PAK1: variants seen among roughly 807,000 people sequenced by gnomAD.
PAK1 encodes p21 (RAC1) activated kinase 1.
PAK1 carries 29 observed loss-of-function variants against 67.4 expected under a neutral mutation model. The ratio of observed to expected loss-of-function variants is 0.43; its 90% CI spans 0.32 to 0.59. PAK1 has a LOEUF of 0.59. Ranked by LOEUF, PAK1 falls within the 20% of genes least tolerant of loss-of-function variation. The pLI is 0.07. For missense variants in PAK1, 337 were observed against 670.7 expected (o/e 0.50, Z 5.50); for synonymous variants, 223 against 237.4 (o/e 0.94, Z 0.56).
chr11:77,417,244 T>G (rs1245639567), intron 1 of PAK1, among the ~76,000 whole-genome samples: 1 of 152,180 alleles, frequency 6.6e-6, no homozygotes, highest in Non-Finnish European at 1.5e-5. Flanking sequence ...GAGATATCCT[T>G]CAAGACTGAA....
chr11:77,490,941 G>A, the PAK1 span, among the ~76,000 whole-genome samples: 15 of 152,172 alleles, frequency 9.9e-5, no homozygotes, highest in Admixed American at 9.8e-4. Context: ...CGTGCTTGTT[G>A]AGAGTCATCA....
At chr11:77,339,122 C>T (rs907470639) in intron 11 of PAK1, among the ~76,000 whole-genome samples, 1 of 152,060 alleles carries the variant, frequency 6.6e-6, no homozygotes, top group Admixed American at 6.6e-5. Context: ...TCTATTAGAA[C>T]TGAAGAATAG....
intron 1 of PAK1, among the ~76,000 whole-genome samples, chr11:77,414,556 G>T (rs1954844365): frequency 6.6e-6 from 1 of 152,192 alleles, no homozygotes; most frequent in South Asian, 2.1e-4. Context: ...AACATAAATA[G>T]ATCAGTGGAA....
chr11:77,498,244 CAT>C, the PAK1 span, among the ~76,000 whole-genome samples: 1 of 152,118 alleles, frequency 6.6e-6, no homozygotes, highest in Non-Finnish European at 1.5e-5. Context: ...GGGTGAAAAA[CAT>C]GTGGAAACTT....
At chr11:77,359,850 C>A (rs492527) in intron 5 of PAK1, among the ~76,000 whole-genome samples, 1 of 151,914 alleles carries the variant, frequency 6.6e-6, no homozygotes. Context: ...TTGATAGATA[C>A]CAAATGATTC....
At position 77,458,288 on chromosome 11, in the gene PAK1, G is replaced by A. The variant is rs963945277; in HGVS notation, c.-22+15264C>T. ...TTAATTCTTAGAACAAAGAACATCC[G>A]TCACTTCACATTTGGCTTTCAAAAC... On this transcript the variant is annotated intron_variant, in intron 1 of 14. Coordinates refer to ENST00000356341, the MANE Select transcript of PAK1 (RefSeq NM_002576.5). Among the ~76,000 whole-genome samples, 7 of 152,178 alleles carry A rather than the reference G, an allele frequency of 4.6e-5. No individual in the cohort carries two copies. In the South Asian group the frequency reaches 1.5e-3, roughly 32 times the overall value.
At chr11:77,410,117 C>T (rs1954279550) in intron 1 of PAK1, among the ~76,000 whole-genome samples, 1 of 152,154 alleles carries the variant, frequency 6.6e-6, no homozygotes, top group Non-Finnish European at 1.5e-5. Flanking sequence ...GCTATCCTCC[C>T]TCTTCTTTCC....
chr11:77,486,621 G>C, the PAK1 span, among the ~76,000 whole-genome samples: 8 of 152,214 alleles, frequency 5.3e-5, no homozygotes, highest in African/African-American at 1.9e-4. Flanking sequence ...GAGAATCTAT[G>C]TGTTTGGGGG....
upstream of PAK1, chr11:77,474,430 C>G (rs1958022949): frequency 1.3e-5 from 2 of 152,272 alleles, no homozygotes; most frequent in South Asian, 4.1e-4. Context: ...TCACTGTTCT[C>G]GGTCCGCTGT....
At chr11:77,395,838 C>T (rs772729404) in intron 1 of PAK1, among the ~76,000 whole-genome samples, 14 of 152,184 alleles carry the variant, frequency 9.2e-5, no homozygotes, top group African/African-American at 1.2e-4. Context: ...TTATCCATTT[C>T]TTCCAGTTTC....
the PAK1 span, among the ~76,000 whole-genome samples, chr11:77,505,432 C>T: frequency 1.1e-4 from 16 of 152,208 alleles, no homozygotes; most frequent in African/African-American, 3.9e-4. Flanking sequence ...AAGTGATCCA[C>T]CCAACTTGGC....
chr11:77,435,496 T>C lies in PAK1; in HGVS notation c.-22+38056A>G, dbSNP rs529942183. ...ATTTCCAGAGACACATATTTTCTCT[T>C]TTTTTTTTTTTTTTTGAGACGGAGT... is the stretch of plus-strand genomic sequence containing the variant. On this transcript the variant is annotated intron_variant, in intron 1 of 14. Coordinates refer to ENST00000356341, the MANE Select transcript of PAK1 (RefSeq NM_002576.5). Among the ~76,000 whole-genome samples, 472 of 118,430 alleles carry C rather than the reference T, an allele frequency of 4.0e-3. 1 individual carries two copies. The highest frequency in any genetic ancestry group is 4.2e-3 in the Non-Finnish European group (271 of 65,112). 77.7% of individuals were successfully genotyped at this position (118,430 alleles called of 152,430 possible). A position where few individuals can be genotyped will look rare whatever the true frequency, so the allele number is the denominator to read the frequency against.
intron 3 of PAK1, 110 bp downstream of exon 3, chr11:77,379,784 A>C (rs1949579546): frequency 2.6e-6 from 2 of 761,744 alleles, no homozygotes; most frequent in Admixed American, 2.7e-5. Context: ...AATTGTAATC[A>C]GGGTCTCAGG....
the PAK1 span, among the ~76,000 whole-genome samples, chr11:77,486,381 T>A: frequency 6.6e-6 from 1 of 151,928 alleles, no homozygotes; most frequent in Non-Finnish European, 1.5e-5. Context: ...TGGGGCAAGA[T>A]GGCTGAATAA....
At chr11:77,402,626 C>T (rs1305104088) in intron 1 of PAK1, among the ~76,000 whole-genome samples, 1 of 152,062 alleles carries the variant, frequency 6.6e-6, no homozygotes, top group African/African-American at 2.4e-5. Flanking sequence ...TGGAAGGAAC[C>T]ATAAAGGGGC....
chr11:77,516,711 C>T, the PAK1 span, among the ~76,000 whole-genome samples: 1 of 152,030 alleles, frequency 6.6e-6, no homozygotes, highest in Admixed American at 6.6e-5. Context: ...CCAATTTAAA[C>T]TAACTACAAA....
intron 1 of PAK1, among the ~76,000 whole-genome samples, chr11:77,448,905 A>G (rs1956733076): frequency 6.6e-6 from 1 of 152,264 alleles, no homozygotes; most frequent in Admixed American, 6.5e-5. Context: ...AAGAATTGTC[A>G]TGTGGAGGAA....
At chr11:77,526,552 T>C in the PAK1 span, among the ~76,000 whole-genome samples, 1 of 152,238 alleles carries the variant, frequency 6.6e-6, no homozygotes, top group Non-Finnish European at 1.5e-5. Context: ...CAATATTATA[T>C]GTGTGGTTTC....
chr11:77,404,789 A>ACCTTT (rs1251263033), intron 1 of PAK1, among the ~76,000 whole-genome samples: 1 of 152,112 alleles, frequency 6.6e-6, no homozygotes. Flanking sequence ...AGCTATGTCA[A>ACCTTT]CCTTTCCCTC....
Sources: allele counts gnomAD v4.1 joint callset (sites outside exome capture counted in the v4.1 genomes callset), GRCh38; gene constraint gnomAD v4.1.1; transcripts MANE v1.5; gene names NCBI Gene and HGNC (gene_info 2026-07-23, HGNC 2026-07-21).